HSD17B10: variants seen among roughly 807,000 people sequenced by gnomAD.
HSD17B10 encodes 3-hydroxyacyl-CoA dehydrogenase type-2.
For synonymous variants in HSD17B10, 90 were observed against 85.9 expected, an observed-to-expected ratio of 1.05 and a Z score of -0.26; for missense variants, 87 against 219.4, an observed-to-expected ratio of 0.40 and a Z score of 3.81.
rs374902916 is a variant in HSD17B10 at position 53,434,272 on chromosome X, C to T, written c.27+47G>A. The T allele has an allele frequency of 9.1e-5, 105 of 1,154,046 alleles. No individual in the cohort carries two copies. In the African/African-American group the frequency reaches 1.7e-3, roughly 18 times the overall value. ...TCTCCTAGTTCCACGGCCGCGCTGT[C>T]CCGGCCCGTAAAGGAAGGCAAGCAA... On this transcript the variant is annotated intron_variant, in intron 1 of 5. Coordinates refer to ENST00000168216, the MANE Select transcript of HSD17B10 (RefSeq NM_004493.3).
At chrX:53,432,466 T>A in intron 2 of HSD17B10, 55 bp from the exon 3 acceptor site, 1 of 1,044,935 alleles carries the variant, frequency 9.6e-7, no homozygotes, top group Non-Finnish European at 1.3e-6. Context: ...CTCTTCCCAC[T>A]AAACCTGAGG....
rs781793144 is a variant in HSD17B10 at position 53,433,607 on chromosome X, G to A, written c.192+115C>T. The A allele has an allele frequency of 2.4e-4, 161 of 677,068 alleles. No homozygotes were observed. In the African/African-American group the frequency reaches 3.3e-3, roughly 14 times the overall value. The allele number at this position is 677,068 out of a possible 1,213,427, so 55.8% of individuals were successfully genotyped here. ...AGGCTCAGGCCAAAAGAGACAAGGAGATGGGTCTACCGCCCCCATAGAGGA... is the reference window on the plus strand; with the variant it reads ...AGGCTCAGGCCAAAAGAGACAAGGAAATGGGTCTACCGCCCCCATAGAGGA... On this transcript the variant is annotated intron_variant, in intron 2 of 5. Coordinates refer to ENST00000168216, the MANE Select transcript of HSD17B10 (RefSeq NM_004493.3).
chrX:53,432,436 T>C, intron 2 of HSD17B10, 25 bp from the exon 3 acceptor site: 1 of 1,170,426 alleles, frequency 8.5e-7, no homozygotes, highest in African/African-American at 1.8e-5. Flanking sequence ...GTGGAGAAGG[T>C]ATTCATCTCC....
intron 1 of HSD17B10, 190 bp downstream of exon 1, chrX:53,434,129 T>TAGACAGACAGAC: frequency 1.8e-6 from 1 of 567,403 alleles, no homozygotes; most frequent in Non-Finnish European, 3.0e-6. Flanking sequence ...GATAGATAGA[T>TAGACAGACAGAC]AGACAGACAG....
intron 2 of HSD17B10, 135 bp downstream of exon 2, chrX:53,433,587 C>T: frequency 1.7e-6 from 1 of 594,593 alleles, no homozygotes; most frequent in Non-Finnish European, 2.8e-6. Flanking sequence ...CTTGAAGGCT[C>T]AGGCCAAAAG....
Position 53,431,552 on chromosome X carries a change from A to G in HSD17B10, c.638T>C (p.Val213Ala), listed in dbSNP as rs782541533. The G allele has an allele frequency of 8.3e-7, 1 of 1,208,106 alleles. No homozygotes were observed. Among genetic ancestry groups the G allele is most frequent in the Non-Finnish European group, 1.1e-6 (1 of 894,095 alleles). ...TPLLTSLPEKVCNFLASQVPF... is the reference protein window; with the variant it reads ...TPLLTSLPEKACNFLASQVPF... The stretch of plus-strand genomic sequence containing the variant: ...CACTTGGCTGGCCAAGAAGTTGCAC[A>G]CTTTCTCTGGGAGGCTGGTCAGCAG... The change falls in exon 6 of 6, where the codon GTG (valine) becomes GCG (alanine). Residue 213 changes from valine to alanine, a missense_variant. Transcript: ENST00000168216.
At chrX:53,431,689 G>T (rs782542563) in intron 5 of HSD17B10, 95 bp from the exon 6 acceptor site, 11 of 1,023,390 alleles carry the variant, frequency 1.1e-5, no homozygotes, top group Non-Finnish European at 1.5e-5. Context: ...CTTCTCTGGG[G>T]CCCAAAGATA....
chrX:53,432,485 G>T, intron 2 of HSD17B10, 74 bp from the exon 3 acceptor site: 1 of 885,293 alleles, frequency 1.1e-6, no homozygotes, highest in Non-Finnish European at 1.6e-6. Flanking sequence ...GGGAGGGCAG[G>T]GCAGGGCATG....
chrX:53,432,552 T>C, intron 2 of HSD17B10, 141 bp from the exon 3 acceptor site: 1 of 565,608 alleles, frequency 1.8e-6, no homozygotes, highest in Non-Finnish European at 3.0e-6. Context: ...AGAAAGGTTG[T>C]AAAACTTGAG....
intron 5 of HSD17B10, 86 bp from the exon 6 acceptor site, chrX:53,431,680 T>C: frequency 9.7e-7 from 1 of 1,033,065 alleles, no homozygotes; most frequent in African/African-American, 1.9e-5. Context: ...TTCTTGGTGC[T>C]TCTCTGGGGC....
intron 2 of HSD17B10, 146 bp from the exon 3 acceptor site, chrX:53,432,557 C>T: frequency 1.8e-6 from 1 of 550,699 alleles, no homozygotes; most frequent in Non-Finnish European, 3.1e-6. Context: ...GGTTGTAAAA[C>T]TTGAGAGATA....
chrX:53,434,356 GC>G lies in HSD17B10; in HGVS notation c.-12del, dbSNP rs781786018. On this transcript the variant is annotated 5_prime_UTR_variant, in exon 1 of 6. Coordinates refer to ENST00000168216, the MANE Select transcript of HSD17B10 (RefSeq NM_004493.3). ...ACACGCTGCTGCCATCTTGTCGCCG[GC>G]CACTCCACGGGATGGGGATGGGGGC... 8 of 1,166,635 alleles carry G rather than the reference GC, an allele frequency of 6.9e-6. No individual in the cohort carries two copies. The East Asian group carries it at 2.6e-4, about 38-fold the overall frequency.
chrX:53,431,593 A>T lies in HSD17B10; in HGVS notation c.597T>A (p.Gly199=). The T allele has an allele frequency of 8.3e-7, 1 of 1,198,746 alleles. No homozygotes were observed. Among genetic ancestry groups the T allele is most frequent in the Non-Finnish European group, 1.1e-6 (1 of 887,121 alleles). ...IGIRVMTIAP[G]LFGTPLLTSL... ...TGGTCAGCAGTGGGGTGCCAAACAG[A>T]CCTAAACAATATAGCCAAATTCAGA... is the stretch of plus-strand genomic sequence containing the variant. The change falls in exon 6 of 6, where the codon GGT becomes GGA. Residue 199 remains glycine, a splice_region_variant and synonymous_variant. Coordinates refer to ENST00000168216, the MANE Select transcript of HSD17B10 (RefSeq NM_004493.3).
At position 53,433,779 on chromosome X, in the gene HSD17B10, C is replaced by A. The variant is rs781794376; in HGVS notation, c.135G>T (p.Ser45=). The A allele has an allele frequency of 8.3e-7, 1 of 1,209,122 alleles. No individual in the cohort carries two copies. Among genetic ancestry groups the A allele is most frequent in the Non-Finnish European group, 1.1e-6 (1 of 894,288 alleles). The change falls in exon 2 of 6, where the codon TCG becomes TCT. Residue 45 remains serine (S), a synonymous_variant. Transcript: ENST00000168216. ...ACTTCTTGGCTTGGGCCTCCCCACC[C>A]GAGTTGGGCAGGTCCAGAAGCACAG... ...ASAVLLDLPN[S]GGEAQAKKLG... is the part of the protein sequence containing the mutation.
Position 53,431,777 on chromosome X carries a change from GGA to G in HSD17B10, c.595+19_595+20del. 1 of 1,160,124 alleles carries G rather than the reference GGA, an allele frequency of 8.6e-7. No individual in the cohort carries two copies. Among genetic ancestry groups the G allele is most frequent in the Non-Finnish European group, 1.2e-6 (1 of 849,906 alleles). On this transcript the variant is annotated intron_variant, in intron 5 of 5. Transcript: ENST00000168216. ...GATCCCACCCAATCCCAGGTATGAT[GGA>G]GAGAGGGGATATGTCTACCTGGGGC...
At position 53,433,743 on chromosome X, in the gene HSD17B10, G is replaced by A; in HGVS notation, c.171C>T (p.Asn57=). The change falls in exon 2 of 6, where the codon AAC becomes AAT. Residue 57 remains asparagine (N), a synonymous_variant. Transcript: ENST00000168216. ...GEAQAKKLGN[N]CVFAPADVTS... is the part of the protein sequence containing the mutation. ...TTACGTCGGCTGGGGCGAAAACGCA[G>A]TTGTTTCCTAACTTCTTGGCTTGGG... 8.3e-7 allele frequency: 1 copy of A among 1,208,200 alleles called. No homozygotes were observed. The highest frequency in any genetic ancestry group is 1.1e-6 in the Non-Finnish European group (1 of 893,587).
rs1556894592 is a variant in HSD17B10 at position 53,432,009 on chromosome X, A to G, written c.465T>C (p.Ser155=). 1 of 1,211,608 alleles carries G rather than the reference A, an allele frequency of 8.3e-7. No homozygotes were observed. Among genetic ancestry groups the G allele is most frequent in the East Asian group, 3.0e-5 (1 of 33,844 alleles). ...ACACCTGACCCTCGAAGGCAGCCAC[A>G]CTGGCAGTGTTGATGATGACCCCAC... is the stretch of plus-strand genomic sequence containing the variant. ...GQRGVIINTA[S]VAAFEGQVGQ... Residue 155 remains serine (S), a synonymous_variant, in exon 4 of 6, where the codon AGT becomes AGC. Transcript: ENST00000168216.
chrX:53,433,901 A>C lies in HSD17B10; in HGVS notation c.28-15T>G. ...GCCACCAGGCCCTGTCAAAAGGGAC[A>C]TGGTCAGGGTCAGCTGTTACATTGC... On this transcript the variant is annotated splice_polypyrimidine_tract_variant and intron_variant, in intron 1 of 5. Transcript: ENST00000168216. 1 of 1,207,581 alleles carries C rather than the reference A, an allele frequency of 8.3e-7. No individual in the cohort carries two copies. The highest frequency in any genetic ancestry group is 1.1e-6 in the Non-Finnish European group (1 of 892,951).
chrX:53,433,013 G>A (rs1261466377), intron 2 of HSD17B10: 5 of 134,205 alleles, frequency 3.7e-5, no homozygotes, highest in Non-Finnish European at 7.5e-5. Flanking sequence ...GTGAGGCTGG[G>A]TGCAGTGGCT....
Sources: allele counts gnomAD v4.1 joint callset, GRCh38; gene constraint gnomAD v4.1.1; transcripts MANE v1.5; gene names NCBI Gene and HGNC (gene_info 2026-07-23, HGNC 2026-07-21).